Variants in CHST6 observed in about 807,000 individuals in gnomAD.
CHST6 encodes carbohydrate sulfotransferase 6, also known as N-acetylglucosamine 6-O-sulfotransferase 5.
For missense variants in CHST6, 698 were observed against 586.2 expected, an observed-to-expected ratio of 1.19 and a Z score of -1.97; for synonymous variants, 309 against 276.4, an observed-to-expected ratio of 1.12 and a Z score of -1.17.
In CHST6 at chr16:75,478,998, C is replaced by G; in HGVS notation, c.831G>C (p.Ala277=). 1 of 1,612,258 alleles carries G rather than the reference C, an allele frequency of 6.2e-7. No individual in the cohort carries two copies. Among genetic ancestry groups the G allele is most frequent in the South Asian group, 1.1e-5 (1 of 91,084 alleles). Residue 277 remains alanine, a synonymous_variant, in exon 3 of 3, where the codon GCG becomes GCC. Transcript: ENST00000332272. The part of the protein sequence containing the change: ...RYRLVRFEDL[A]REPLAEIRAL... The stretch of plus-strand genomic sequence containing the variant: ...CACGGATTTCTGCCAGCGGCTCCCG[C>G]GCCAGGTCCTCGAAGCGCACCAGGC...
At chr16:75,494,670 T>C (rs2080290676) in intron 1 of CHST6, among the ~76,000 whole-genome samples, 1 of 152,196 alleles carries the variant, frequency 6.6e-6, no homozygotes, top group Non-Finnish European at 1.5e-5. Flanking sequence ...GTCATGTCCT[T>C]TGAAACTCAA....
chr16:75,479,368 G>A lies in CHST6; in HGVS notation c.461C>T (p.Ala154Val). The A allele has an allele frequency of 6.2e-7, 1 of 1,612,756 alleles. No homozygotes were observed. Among genetic ancestry groups the A allele is most frequent in the Non-Finnish European group, 8.5e-7 (1 of 1,179,800 alleles). Reference protein sequence around the residue: ...SSEAVCKPLCARQSFTLAREA... With the variant: ...SSEAVCKPLCVRQSFTLAREA... ...CCGGGCCAGGGTGAAGGACTGCCGCGCGCACAGTGGCTTGCACACGGCCTC... is the reference window on the plus strand; with the variant it reads ...CCGGGCCAGGGTGAAGGACTGCCGCACGCACAGTGGCTTGCACACGGCCTC... The change falls in exon 3 of 3, where the codon GCG becomes GTG. Residue 154 changes from alanine to valine, a missense_variant. Ala to Val is a moderately conservative substitution (Grantham distance 64). Coordinates refer to ENST00000332272, the MANE Select transcript of CHST6 (RefSeq NM_021615.5).
At chr16:75,490,253 T>G (rs1597484386) in intron 1 of CHST6, among the ~76,000 whole-genome samples, 1 of 142,656 alleles carries the variant, frequency 7.0e-6, no homozygotes, top group African/African-American at 2.7e-5. Context: ...CCAAGGCTGG[T>G]GGATCACCTG....
intron 1 of CHST6, among the ~76,000 whole-genome samples, chr16:75,491,954 G>C (rs1019973815): frequency 6.6e-6 from 1 of 152,122 alleles, no homozygotes; most frequent in African/African-American, 2.4e-5. Context: ...CTGTGGGCTG[G>C]GCCAGGCTGT....
In CHST6 at chr16:75,479,504, C is replaced by T. The variant is rs1296315681; in HGVS notation, c.325G>A (p.Ala109Thr). 6.2e-7 allele frequency: 1 copy of T among 1,612,866 alleles called. No individual in the cohort carries two copies. The highest frequency in any genetic ancestry group is 1.7e-5 in the Admixed American group (1 of 60,006). ...AGGTTGCGGCGCCAAGGCAGATAGG[C>T]ATCAAACACGTCCATGTCGCACAGG... ...VFLCDMDVFD[A>T]YLPWRRNLSD... is the part of the protein sequence containing the mutation. The change falls in exon 3 of 3, where the codon GCC becomes ACC. Residue 109 changes from alanine (A) to threonine (T), a missense_variant. Coordinates refer to ENST00000332272, the MANE Select transcript of CHST6 (RefSeq NM_021615.5).
At position 75,481,888 on chromosome 16, in the gene CHST6, G is replaced by A; in HGVS notation, c.-88C>T. ...ATGGGAGATGATTAGAGGTTCCTCA[G>A]CACCTGGTAAAGCAGGAGGGCGATG... On this transcript the variant is annotated 5_prime_UTR_variant, in exon 2 of 3. Coordinates refer to ENST00000332272, the MANE Select transcript of CHST6 (RefSeq NM_021615.5). 1 of 488,348 alleles carries A rather than the reference G, an allele frequency of 2.0e-6. No individual in the cohort carries two copies. 30.3% of individuals were successfully genotyped at this position (488,348 alleles called of 1,614,324 possible). A position where few individuals can be genotyped will look rare whatever the true frequency, so the allele number is the denominator to read the frequency against.
intron 1 of CHST6, among the ~76,000 whole-genome samples, chr16:75,486,373 AAC>A (rs1473353965): frequency 2.0e-5 from 3 of 152,202 alleles, no homozygotes; most frequent in Non-Finnish European, 1.5e-5. Context: ...TCCTTCTGAT[AAC>A]AGTCTCTAGG....
chr16:75,493,898 G>A (rs2151675828), intron 1 of CHST6, among the ~76,000 whole-genome samples: 1 of 152,292 alleles, frequency 6.6e-6, no homozygotes, highest in East Asian at 1.9e-4. Flanking sequence ...AGACTGGAGT[G>A]AAGTACCGCA....
rs141905571 is a variant in CHST6 at position 75,479,364 on chromosome 16, C to T, written c.465G>A (p.Arg155=). 12,899 of 1,612,672 alleles carry T rather than the reference C, an allele frequency of 8.0e-3. 119 individuals are homozygous for T. The highest frequency in any genetic ancestry group is 0.025 in the South Asian group (2,298 of 91,070). ...CCTCCCGGGCCAGGGTGAAGGACTGCCGCGCGCACAGTGGCTTGCACACGG... is the reference window on the plus strand; with the variant it reads ...CCTCCCGGGCCAGGGTGAAGGACTGTCGCGCGCACAGTGGCTTGCACACGG... ...SEAVCKPLCA[R]QSFTLAREAC... is the part of the protein sequence containing the mutation. The change falls in exon 3 of 3, where the codon CGG becomes CGA. Residue 155 remains arginine, a synonymous_variant. Coordinates refer to ENST00000332272, the MANE Select transcript of CHST6 (RefSeq NM_021615.5).
chr16:75,493,516 CAAA>C (rs55916880), intron 1 of CHST6, among the ~76,000 whole-genome samples: 1 of 104,334 alleles, frequency 9.6e-6, no homozygotes. Context: ...GACTCCGTAT[CAAA>C]AAAAAAAAAA....
intron 1 of CHST6, among the ~76,000 whole-genome samples, chr16:75,489,417 A>AG (rs1388871133): frequency 1.3e-5 from 2 of 151,624 alleles, no homozygotes; most frequent in East Asian, 3.9e-4. Flanking sequence ...AAAAAAAAAA[A>AG]AAGAAAAAAG....
At position 75,479,383 on chromosome 16, in the gene CHST6, C is replaced by A; in HGVS notation, c.446G>T (p.Cys149Phe). Residue 149 changes from cysteine to phenylalanine, a missense_variant, in exon 3 of 3, where the codon TGC becomes TTC. Coordinates refer to ENST00000332272, the MANE Select transcript of CHST6 (RefSeq NM_021615.5). ...GGACTGCCGCGCGCACAGTGGCTTG[C>A]ACACGGCCTCGCTGCTGATGGCGCC... The part of the protein sequence containing the change: ...PRGAISSEAV[C>F]KPLCARQSFT... The A allele has an allele frequency of 6.2e-7, 1 of 1,612,552 alleles. No individual in the cohort carries two copies. The highest frequency in any genetic ancestry group is 8.5e-7 in the Non-Finnish European group (1 of 1,179,780).
intron 1 of CHST6, among the ~76,000 whole-genome samples, chr16:75,492,969 A>G (rs2080271818): frequency 6.6e-6 from 1 of 152,202 alleles, no homozygotes; most frequent in African/African-American, 2.4e-5. Flanking sequence ...AGGTAATCAG[A>G]TATATTTCAA....
rs574729720 is a variant in CHST6 at position 75,478,965 on chromosome 16, G to A, written c.864C>T (p.Tyr288=). 7 of 1,613,012 alleles carry A rather than the reference G, an allele frequency of 4.3e-6. No homozygotes were observed. The Admixed American group carries it at 6.7e-5, about 15-fold the overall frequency. ...GCGTGAGACTGAGCCCAGTGAAGGCGTAGAGCGCACGGATTTCTGCCAGCG... is the reference window on the plus strand; with the variant it reads ...GCGTGAGACTGAGCCCAGTGAAGGCATAGAGCGCACGGATTTCTGCCAGCG... ...REPLAEIRAL[Y]AFTGLSLTPQ... The change falls in exon 3 of 3, where the codon TAC becomes TAT. Residue 288 remains tyrosine (Y), a synonymous_variant. Coordinates refer to ENST00000332272, the MANE Select transcript of CHST6 (RefSeq NM_021615.5).
Position 75,479,525 on chromosome 16 carries a change from A to C in CHST6, c.304T>G (p.Cys102Gly), listed in dbSNP as rs121917822. 70 of 1,612,724 alleles carry C rather than the reference A, an allele frequency of 4.3e-5. No homozygotes were observed. The highest frequency in any genetic ancestry group is 5.3e-5 in the Non-Finnish European group (62 of 1,179,828). ...VRDLVRSVFL[C>G]DMDVFDAYLP... ...TAGGCATCAAACACGTCCATGTCGC[A>C]CAGGAAGACGGAGCGCACCAGGTCG... The change falls in exon 3 of 3, where the codon TGC (cysteine) becomes GGC (glycine). Residue 102 changes from cysteine to glycine, a missense_variant. Transcript: ENST00000332272.
chr16:75,475,928 G>A lies in CHST6; in HGVS notation c.*2713C>T, dbSNP rs1421384950. 6.6e-6 allele frequency: 1 copy of A among 152,120 alleles called. No individual in the cohort carries two copies. Among genetic ancestry groups the A allele is most frequent in the Non-Finnish European group, 1.5e-5 (1 of 68,034 alleles). The allele number at this position is 152,120 out of a possible 1,614,324, so 9.4% of individuals were successfully genotyped here. ...TGGCATTATCTCGGCTCACTGCACT[G>A]TCCGCCTCCTGGATTCAAGGGATTC... On this transcript the variant is annotated 3_prime_UTR_variant, in exon 3 of 3. Transcript: ENST00000332272.
rs2080053850 is a variant in CHST6 at position 75,475,163 on chromosome 16, GC to G, written c.*3477del. 1 of 152,508 alleles carries G rather than the reference GC, an allele frequency of 6.6e-6. No individual in the cohort carries two copies. The highest frequency in any genetic ancestry group is 1.5e-5 in the Non-Finnish European group (1 of 68,248). 9.4% of individuals were successfully genotyped at this position (152,508 alleles called of 1,614,324 possible). A position where few individuals can be genotyped will look rare whatever the true frequency, so the allele number is the denominator to read the frequency against. ...CACGGCGTAATTTACTTTCCATCAA[GC>G]CTCACCTCACAACACTGGGGATCAA... On this transcript the variant is annotated 3_prime_UTR_variant, in exon 3 of 3. Coordinates refer to ENST00000332272, the MANE Select transcript of CHST6 (RefSeq NM_021615.5).
rs72547549 is a variant in CHST6, at chr16:75,479,738, G to A, written c.91C>T (p.Pro31Ser). The A allele has an allele frequency of 6.2e-6, 10 of 1,604,452 alleles. No individual in the cohort carries two copies. Among genetic ancestry groups the A allele is most frequent in the African/African-American group, 4.0e-5 (3 of 74,824 alleles). ...LLLFLVSRPG[P>S]SSPAGGEARV... ...GCCTCGCCGCCTGCTGGGGACGAGGGCCCTGGCCGGGAAACCAGAAAGAGG... is the reference window on the plus strand; with the variant it reads ...GCCTCGCCGCCTGCTGGGGACGAGGACCCTGGCCGGGAAACCAGAAAGAGG... Residue 31 changes from proline to serine, a missense_variant, in exon 3 of 3, where the codon CCC becomes TCC. Physicochemically the swap from Pro to Ser is moderately conservative, Grantham distance 74. Transcript: ENST00000332272.
In CHST6 at chr16:75,479,711, G is replaced by C; in HGVS notation, c.118C>G (p.Arg40Gly). Residue 40 changes from arginine to glycine, a missense_variant, in exon 3 of 3, where the codon CGC (arginine) becomes GGC (glycine). Transcript: ENST00000332272. ...GAGGACAGCACCAGCACATGCACGC[G>C]CGCCTCGCCGCCTGCTGGGGACGAG... is the stretch of plus-strand genomic sequence containing the variant. Reference protein sequence around the residue: ...GPSSPAGGEARVHVLVLSSWR... With the variant: ...GPSSPAGGEAGVHVLVLSSWR... The C allele has an allele frequency of 6.2e-7, 1 of 1,609,522 alleles. No individual in the cohort carries two copies. The highest frequency in any genetic ancestry group is 8.5e-7 in the Non-Finnish European group (1 of 1,178,084).
Sources: gnomAD v4.1 joint callset for allele counts (sites outside exome capture counted in the v4.1 genomes callset) on GRCh38, gnomAD v4.1.1 for gene constraint, MANE v1.5 for transcripts, NCBI Gene and HGNC (gene_info 2026-07-23, HGNC 2026-07-21) for gene names.